The following PACS2 variants were observed in gnomAD, a reference collection of about 807,000 sequenced individuals.
PACS2 encodes the protein PACS1-like protein.
A neutral mutation model predicts 113.0 loss-of-function variants in PACS2; 36 were observed. The ratio of observed to expected loss-of-function variants is 0.32; its 90% CI spans 0.24 to 0.42. The LOEUF (loss-of-function observed/expected upper bound fraction) is 0.42. Ranked by LOEUF, PACS2 falls within the 10% of genes least tolerant of loss-of-function variation. The pLI, the probability that PACS2 is intolerant of heterozygous loss-of-function variation, is 1.00. For missense variants in PACS2, 1,015 were observed against 1,239.5 expected (o/e 0.82, Z 2.72); for synonymous variants, 589 against 536.1 (o/e 1.10, Z -1.36).
rs2060461950 is a variant in PACS2 at position 105,356,691 on chromosome 14, G to A, written c.423+1514G>A. 6.6e-6 allele frequency among the ~76,000 whole-genome samples: 1 copy of A among 151,616 alleles called. No homozygotes were observed. Among genetic ancestry groups the A allele is most frequent in the Non-Finnish European group, 1.5e-5 (1 of 67,892 alleles). The stretch of plus-strand genomic sequence containing the variant: ...GGCGAGGTCCTGCTGATCCCTGCCG[G>A]TCCCTGTGTTTCCCATTAGCCATGC... On this transcript the variant is annotated intron_variant, in intron 4 of 24. Coordinates refer to ENST00000447393, the MANE Select transcript of PACS2 (RefSeq NM_001100913.3). The surrounding 1 kb of genome is among the most constrained non-coding windows in gnomAD (Gnocchi z 4.0).
Position 105,384,865 on chromosome 14 carries a change from T to G in PACS2, c.1892-14T>G. The G allele has an allele frequency of 1.2e-5, 18 of 1,456,150 alleles. No homozygotes were observed. Among genetic ancestry groups the G allele is most frequent in the Non-Finnish European group, 1.6e-5 (17 of 1,058,448 alleles). 90.2% of individuals were successfully genotyped at this position (1,456,150 alleles called of 1,614,324 possible). ...GGCACCAGCCTAACCCCCCACCGCC[T>G]CCTCCCCCTGCAGTACAGGACACGC... is the stretch of plus-strand genomic sequence containing the variant. On this transcript the variant is annotated splice_polypyrimidine_tract_variant and intron_variant, in intron 17 of 24. Transcript: ENST00000447393.
Position 105,352,223 on chromosome 14 carries a change from G to A in PACS2, c.208-155G>A, listed in dbSNP as rs902783447. Among the ~76,000 whole-genome samples the A allele has an allele frequency of 1.1e-4, 16 of 152,108 alleles. 1 individual carries two copies. Among genetic ancestry groups the A allele is most frequent in the Non-Finnish European group, 2.1e-4 (14 of 68,016 alleles). Reference sequence around the variant, plus strand: ...TTAAGGTTCTTGGGAAAGATGCCAGGGCACCTCTGAGAATTACCCCAGCCT... The same window carrying A: ...TTAAGGTTCTTGGGAAAGATGCCAGAGCACCTCTGAGAATTACCCCAGCCT... On this transcript the variant is annotated intron_variant, in intron 2 of 24. Transcript: ENST00000447393.
At chr14:105,304,220 G>A (rs999131957) in intron 1 of PACS2, among the ~76,000 whole-genome samples, 8 of 152,182 alleles carry the variant, frequency 5.3e-5, no homozygotes, top group South Asian at 2.1e-4. Flanking sequence ...AGCCAGGCTC[G>A]GTGGCTCAGG....
chr14:105,322,325 C>T (rs1016317226), intron 1 of PACS2, among the ~76,000 whole-genome samples: 6 of 144,620 alleles, frequency 4.1e-5, no homozygotes, highest in South Asian at 2.2e-4. Context: ...AATGCAGTGG[C>T]GCAATCTTGG....
chr14:105,386,174 C>T (rs2081170027), intron 19 of PACS2, among the ~76,000 whole-genome samples: 1 of 152,212 alleles, frequency 6.6e-6, no homozygotes, highest in Admixed American at 6.5e-5. Flanking sequence ...CAGGCTGTTT[C>T]CCAGGCCCTT....
rs1196377007 is a variant in PACS2, at chr14:105,358,544, G to T, written c.423+3367G>T. ...AGACCACCCTGGGGCTGCAGCCTGG[G>T]AGACGCAGGCATGCCAGCTGGTGGC... On this transcript the variant is annotated intron_variant, in intron 4 of 24. Coordinates refer to ENST00000447393, the MANE Select transcript of PACS2 (RefSeq NM_001100913.3). This position sits in a 1 kb window ranked among gnomAD's most constrained non-coding sequence, Gnocchi z 4.9. 6.6e-6 allele frequency among the ~76,000 whole-genome samples: 1 copy of T among 152,228 alleles called. No homozygotes were observed. The highest frequency in any genetic ancestry group is 1.5e-5 in the Non-Finnish European group (1 of 68,032).
At chr14:105,384,511 G>C in intron 17 of PACS2, 48 bp downstream of exon 17, 1 of 1,269,240 alleles carries the variant, frequency 7.9e-7, no homozygotes, top group Non-Finnish European at 1.1e-6. Context: ...GGAGGAAGGG[G>C]CCCCGGTTTC....
rs924171915 is a variant in PACS2, at chr14:105,324,550, G to A, written c.119+9513G>A. On this transcript the variant is annotated intron_variant, in intron 1 of 24. Coordinates refer to ENST00000447393, the MANE Select transcript of PACS2 (RefSeq NM_001100913.3). This position sits in a 1 kb window ranked among gnomAD's most constrained non-coding sequence, Gnocchi z 4.7. ...CTGAGAGGCAGCCCTAAAAATAGCC[G>A]AGCGCTGAGAGGCCGTCCCTTTCTG... 7.9e-5 allele frequency among the ~76,000 whole-genome samples: 12 copies of A among 152,136 alleles called. No homozygotes were observed. The highest frequency in any genetic ancestry group is 1.5e-4 in the Non-Finnish European group (10 of 68,012).
rs1262941847 is a variant in PACS2 at position 105,355,541 on chromosome 14, G to C, written c.423+364G>C. The stretch of plus-strand genomic sequence containing the variant: ...ACACCACGGGTGCGTCCTGTGATGG[G>C]TTCGTGTCTGCATCCTGCTCAGCAC... On this transcript the variant is annotated intron_variant, in intron 4 of 24. Coordinates refer to ENST00000447393, the MANE Select transcript of PACS2 (RefSeq NM_001100913.3). This position sits in a 1 kb window ranked among gnomAD's most constrained non-coding sequence, Gnocchi z 4.1. Among the ~76,000 whole-genome samples the C allele has an allele frequency of 2.0e-5, 3 of 152,236 alleles. No homozygotes were observed. Among genetic ancestry groups the C allele is most frequent in the African/African-American group, 4.8e-5 (2 of 41,452 alleles).
rs1217436391 is a variant in PACS2 at position 105,340,247 on chromosome 14, A to G, written c.120-8246A>G. Reference sequence around the variant, plus strand: ...CCTCATTCATCTGTGGGGAAAGGATATACTTCTGGGTAAATGGTTTGGTGA... The same window carrying G: ...CCTCATTCATCTGTGGGGAAAGGATGTACTTCTGGGTAAATGGTTTGGTGA... On this transcript the variant is annotated intron_variant, in intron 1 of 24. Transcript: ENST00000447393. The surrounding 1 kb of genome is among the most constrained non-coding windows in gnomAD (Gnocchi z 4.2). Among the ~76,000 whole-genome samples, 4 of 152,232 alleles carry G rather than the reference A, an allele frequency of 2.6e-5. No homozygotes were observed. Among genetic ancestry groups the G allele is most frequent in the African/African-American group, 9.7e-5 (4 of 41,450 alleles).
chr14:105,361,839 C>T (rs1441944822), intron 4 of PACS2, among the ~76,000 whole-genome samples: 2 of 152,138 alleles, frequency 1.3e-5, no homozygotes, highest in Admixed American at 1.3e-4. Context: ...ATTCCAGCTA[C>T]TCAGGAGGCT....
chr14:105,336,067 C>T (rs967466913), intron 1 of PACS2, among the ~76,000 whole-genome samples: 5 of 152,190 alleles, frequency 3.3e-5, no homozygotes, highest in African/African-American at 4.8e-5. Flanking sequence ...GGCCAGCTGC[C>T]GCCACAGGCC....
intron 4 of PACS2, among the ~76,000 whole-genome samples, chr14:105,362,174 T>G (rs1304650346): frequency 2.0e-5 from 3 of 151,236 alleles, no homozygotes; most frequent in Admixed American, 1.3e-4. Context: ...ATCCCAGCAC[T>G]TTGGGAGGCC....
rs1201954528 is a variant in PACS2 at position 105,376,788 on chromosome 14, C to A, written c.822C>A (p.Asp274Glu). 1 of 1,612,894 alleles carries A rather than the reference C, an allele frequency of 6.2e-7. No individual in the cohort carries two copies. The change falls in exon 9 of 25, where the codon GAC becomes GAA. Residue 274 changes from aspartate to glutamate, a missense_variant. Asp to Glu is a conservative substitution (Grantham distance 45). This residue lies in a region of PACS2 where 859 missense variants were observed against 1,056.8 expected (regional missense o/e 0.81). Coordinates refer to ENST00000447393, the MANE Select transcript of PACS2 (RefSeq NM_001100913.3). The surrounding 1 kb of genome is among the most constrained non-coding windows in gnomAD (Gnocchi z 4.7). ...VSDEVLDSEQ[D>E]PAEHIPEAEE... Reference sequence around the variant, plus strand: ...TGCAGGTCCTGGACTCGGAGCAGGACCCTGCGGAGCACATCCCCGAGGCAG... The same window carrying A: ...TGCAGGTCCTGGACTCGGAGCAGGAACCTGCGGAGCACATCCCCGAGGCAG...
At chr14:105,327,252 T>C (rs1192871737) in intron 1 of PACS2, among the ~76,000 whole-genome samples, 1 of 152,144 alleles carries the variant, frequency 6.6e-6, no homozygotes, top group African/African-American at 2.4e-5. Flanking sequence ...AGGGCAGGCC[T>C]TGGGGAGGGG....
At chr14:105,377,069 C>A (rs2080810221) in intron 9 of PACS2, 144 bp downstream of exon 9, 1 of 871,292 alleles carries the variant, frequency 1.1e-6, no homozygotes, top group Non-Finnish European at 1.7e-6. Context: ...GCTCTGGTGG[C>A]TGGAAGGAGG....
chr14:105,335,822 C>T lies in PACS2; in HGVS notation c.120-12671C>T, dbSNP rs587766713. 2.3e-3 allele frequency among the ~76,000 whole-genome samples: 345 copies of T among 152,332 alleles called. 2 individuals are homozygous for T. Among genetic ancestry groups the T allele is most frequent in the African/African-American group, 7.7e-3 (322 of 41,576 alleles). ...AGTGAGGCTGGCAAGAGCTGGCAGC[C>T]GCCCTCGGCCGCCCGGGCGAGCCTT... is the stretch of plus-strand genomic sequence containing the variant. On this transcript the variant is annotated intron_variant, in intron 1 of 24. Transcript: ENST00000447393.
rs782754951 is a variant in PACS2, at chr14:105,369,799, A to G, written c.742-42A>G. 57 of 1,508,808 alleles carry G rather than the reference A, an allele frequency of 3.8e-5. No individual in the cohort carries two copies. In the African/African-American group the frequency reaches 7.6e-4, roughly 20 times the overall value. The allele number at this position is 1,508,808 out of a possible 1,614,324, so 93.5% of individuals were successfully genotyped here. A position where few individuals can be genotyped will look rare whatever the true frequency, so the allele number is the denominator to read the frequency against. On this transcript the variant is annotated intron_variant, in intron 7 of 24. Coordinates refer to ENST00000447393, the MANE Select transcript of PACS2 (RefSeq NM_001100913.3). ...GAAGGGGCTCCAGCGGCGGGTCTGCAGCTCTGGCGGCGGCTCTGACTCTGC... is the reference window on the plus strand; with the variant it reads ...GAAGGGGCTCCAGCGGCGGGTCTGCGGCTCTGGCGGCGGCTCTGACTCTGC...
At chr14:105,306,952 G>C (rs866022382) in intron 1 of PACS2, among the ~76,000 whole-genome samples, 1 of 151,904 alleles carries the variant, frequency 6.6e-6, no homozygotes, top group Non-Finnish European at 1.5e-5. Context: ...GGGTCTCGTG[G>C]ACCTAGAGAG....
Sources: gnomAD v4.1 joint callset for allele counts (sites outside exome capture counted in the v4.1 genomes callset) on GRCh38, gnomAD v4.1.1 for gene constraint, gnomAD v4.1.1 regional missense constraint, Gnocchi (gnomAD v3.1) non-coding constraint, MANE v1.5 for transcripts, NCBI Gene and HGNC (gene_info 2026-07-23, HGNC 2026-07-21) for gene names.